GPC4: variants seen among roughly 807,000 people sequenced by gnomAD.
GPC4 encodes the protein glypican 4.
Under a neutral mutation model 35.0 loss-of-function variants are expected in GPC4, and 10 were observed. The observed-to-expected ratio is 0.29, with a 90% CI of 0.18 to 0.48. The LOEUF is 0.48. GPC4 is among the 20% of genes least tolerant of loss of function. The pLI is 0.99. For synonymous variants in GPC4, 167 were observed against 170.2 expected, an observed-to-expected ratio of 0.98 and a Z score of 0.15; for missense variants, 322 against 451.3, an observed-to-expected ratio of 0.71 and a Z score of 2.60.
At chrX:133,397,115 G>A (rs1376521861) in intron 1 of GPC4, among the ~76,000 whole-genome samples, 2 of 112,110 alleles carry the variant, frequency 1.8e-5, no homozygotes, top group Non-Finnish European at 1.9e-5. Flanking sequence ...AATGGCAAAT[G>A]CTTTATCTGT....
chrX:133,401,155 T>C (rs1030640436), intron 1 of GPC4, among the ~76,000 whole-genome samples: 9 of 111,153 alleles, frequency 8.1e-5, no homozygotes, highest in African/African-American at 2.9e-4. Context: ...AGATAAAGCC[T>C]GAGAAGAGAA....
At position 133,405,274 on chromosome X, in the gene GPC4, A is replaced by G. The variant is rs1274496725; in HGVS notation, c.160+9532T>C. On this transcript the variant is annotated intron_variant, in intron 1 of 8. Coordinates refer to ENST00000370828, the MANE Select transcript of GPC4 (RefSeq NM_001448.3). ...CAAGCATGTGCCACCACGCCTGGCT[A>G]ATTTTGGCATTTTTAGTAGAGACGG... Among the ~76,000 whole-genome samples, 4 of 110,064 alleles carry G rather than the reference A, an allele frequency of 3.6e-5. No individual in the cohort carries two copies. The Admixed American group carries it at 3.9e-4, about 11-fold the overall frequency.
intron 1 of GPC4, among the ~76,000 whole-genome samples, chrX:133,359,816 A>T (rs1321245744): frequency 9.0e-6 from 1 of 111,656 alleles, no homozygotes; most frequent in Admixed American, 9.6e-5. Flanking sequence ...AAGTAACTCA[A>T]GGGTGAAACT....
intron 1 of GPC4, among the ~76,000 whole-genome samples, chrX:133,370,520 T>G (rs2068608166): frequency 8.9e-6 from 1 of 111,774 alleles, no homozygotes; most frequent in African/African-American, 3.2e-5. Context: ...TTTGTTTGTT[T>G]GTTTTTGAGA....
intron 1 of GPC4, among the ~76,000 whole-genome samples, chrX:133,383,960 G>A (rs749847262): frequency 3.6e-5 from 4 of 111,804 alleles, no homozygotes; most frequent in Non-Finnish European, 7.5e-5. Context: ...TGGTAATCAC[G>A]GGGGAGGCTA....
intron 2 of GPC4, among the ~76,000 whole-genome samples, chrX:133,325,823 A>G (rs1286515918): frequency 1.8e-5 from 2 of 111,972 alleles, no homozygotes; most frequent in African/African-American, 6.5e-5. Flanking sequence ...AATACCAAAT[A>G]GCTTTTCAAA....
intron 1 of GPC4, among the ~76,000 whole-genome samples, chrX:133,406,618 G>A (rs1455265723): frequency 9.3e-6 from 1 of 107,197 alleles, no homozygotes; most frequent in Non-Finnish European, 1.9e-5. Flanking sequence ...GAGTGGTGGT[G>A]TGCTCCTGTA....
intron 2 of GPC4, among the ~76,000 whole-genome samples, chrX:133,336,925 C>A (rs926649182): frequency 1.8e-5 from 2 of 110,762 alleles, no homozygotes; most frequent in East Asian, 5.7e-4. Flanking sequence ...CTCAAGTGAT[C>A]CTCTCACCTC....
At chrX:133,307,411 C>T (rs2068295381) in intron 4 of GPC4, among the ~76,000 whole-genome samples, 1 of 112,205 alleles carries the variant, frequency 8.9e-6, no homozygotes, top group South Asian at 3.7e-4. Context: ...GGTCATTTCT[C>T]TAAACTACAA....
chrX:133,396,436 T>C lies in GPC4; in HGVS notation c.160+18370A>G, dbSNP rs372827417. 5.4e-5 allele frequency among the ~76,000 whole-genome samples: 6 copies of C among 112,119 alleles called. No homozygotes were observed. The South Asian group carries it at 2.2e-3, about 42-fold the overall frequency. On this transcript the variant is annotated intron_variant, in intron 1 of 8. Transcript: ENST00000370828. ...CCACAAAGCATTGGCATAACACTCA[T>C]GCATATAACATGATTCAAAGACATT...
At chrX:133,327,902 C>T (rs906044648) in intron 2 of GPC4, among the ~76,000 whole-genome samples, 3 of 110,872 alleles carry the variant, frequency 2.7e-5, no homozygotes, top group Admixed American at 9.7e-5. Flanking sequence ...TGAGTTAAAA[C>T]GTCATAATTT....
At chrX:133,357,276 C>T (rs989391155) in intron 1 of GPC4, among the ~76,000 whole-genome samples, 2 of 106,737 alleles carry the variant, frequency 1.9e-5, no homozygotes, top group African/African-American at 6.9e-5. Context: ...TCCAGCTACT[C>T]GGGAGGCTGA....
chrX:133,410,591 G>A (rs977149114), intron 1 of GPC4, among the ~76,000 whole-genome samples: 1 of 112,105 alleles, frequency 8.9e-6, no homozygotes, highest in Non-Finnish European at 1.9e-5. Flanking sequence ...GAGCCAGAGA[G>A]ACTCACTTCC....
rs1237864628 is a variant in GPC4, at chrX:133,301,552, T to C, written c.*1315A>G. On this transcript the variant is annotated 3_prime_UTR_variant, in exon 9 of 9. Transcript: ENST00000370828. ...ATGTAGTATTCTCAGCTCTACCTAC[T>C]CCCACCCCACCCCATCCCCCAAGAA... 3 of 111,940 alleles carry C rather than the reference T, an allele frequency of 2.7e-5. No homozygotes were observed. The highest frequency in any genetic ancestry group is 9.7e-5 in the African/African-American group (3 of 30,831). The allele number at this position is 111,940 out of a possible 1,213,427, so 9.2% of individuals were successfully genotyped here.
chrX:133,304,649 T>C, intron 7 of GPC4, 76 bp downstream of exon 7: 10 of 1,139,309 alleles, frequency 8.8e-6, no homozygotes, highest in Non-Finnish European at 8.4e-6. Context: ...CGGTTGACAA[T>C]TGAGAGAACC....
intron 4 of GPC4, among the ~76,000 whole-genome samples, chrX:133,310,616 ATGG>A (rs779592037): frequency 7.1e-5 from 8 of 112,090 alleles, no homozygotes; most frequent in Non-Finnish European, 1.1e-4. Context: ...CTACTGCTAA[ATGG>A]TGTACAGAAA....
At chrX:133,317,995 GA>G (rs780542702) in intron 3 of GPC4, among the ~76,000 whole-genome samples, 6 of 112,152 alleles carry the variant, frequency 5.3e-5, no homozygotes, top group African/African-American at 9.7e-5. Context: ...ATAAATACTT[GA>G]AATGTGTCTT....
chrX:133,342,569 G>A (rs903370851), intron 1 of GPC4, among the ~76,000 whole-genome samples: 6 of 111,355 alleles, frequency 5.4e-5, no homozygotes, highest in Admixed American at 9.5e-5. Context: ...TCTAAAAAGC[G>A]TTACTTGAAA....
intron 1 of GPC4, among the ~76,000 whole-genome samples, chrX:133,386,872 A>G (rs2068693421): frequency 9.0e-6 from 1 of 111,611 alleles, no homozygotes; most frequent in Non-Finnish European, 1.9e-5. Flanking sequence ...GCTTTTGGAC[A>G]CCAAGCTAAT....
Sources: allele counts gnomAD v4.1 joint callset (sites outside exome capture counted in the v4.1 genomes callset), GRCh38; gene constraint gnomAD v4.1.1; transcripts MANE v1.5; gene names NCBI Gene and HGNC (gene_info 2026-07-23, HGNC 2026-07-21).